FAM117B: variants seen among roughly 807,000 people sequenced by gnomAD.
FAM117B encodes protein FAM117B.
A neutral mutation model predicts 52.8 loss-of-function variants in FAM117B; 22 were observed. The ratio of observed to expected loss-of-function variants is 0.42; its 90% CI spans 0.30 to 0.59. The LOEUF (loss-of-function observed/expected upper bound fraction) is 0.59, where lower values mean the gene tolerates loss of function less well. Among genes scored for constraint, FAM117B ranks in the 20% least tolerant of loss-of-function variants. FAM117B has a pLI of 0.22. For synonymous variants in FAM117B, 309 were observed against 324.1 expected (o/e 0.95, Z 0.50); for missense variants, 678 against 802.6 (o/e 0.84, Z 1.88).
intron 2 of FAM117B, among the ~76,000 whole-genome samples, chr2:202,699,427 AAAAAAAAAAAAAAAAAAAAAAG>A (rs1369983563): frequency 1.5e-4 from 17 of 111,400 alleles, no homozygotes; most frequent in Admixed American, 1.2e-3. Flanking sequence ...ACCCCATCTC[AAAAAAAAAAAAAAAAAAAAAAG>A]AAAAAAAAAA....
chr2:202,729,583 A>G (rs1691308356), intron 4 of FAM117B, among the ~76,000 whole-genome samples: 1 of 152,236 alleles, frequency 6.6e-6, no homozygotes, highest in Non-Finnish European at 1.5e-5. Flanking sequence ...TTAAAGAGAT[A>G]TGAGTAAACA....
intron 1 of FAM117B, among the ~76,000 whole-genome samples, chr2:202,666,668 C>CTTTT (rs1157457357): frequency 4.8e-5 from 6 of 125,764 alleles, no homozygotes; most frequent in Admixed American, 8.1e-5. Context: ...CGTTTCATTT[C>CTTTT]TTTTTTTTTT....
At chr2:202,642,163 CA>C (rs1689780365) in intron 1 of FAM117B, among the ~76,000 whole-genome samples, 1 of 144,292 alleles carries the variant, frequency 6.9e-6, no homozygotes, top group Admixed American at 7.0e-5. Context: ...CCATATTGGA[CA>C]GGCTGGTCCT....
Position 202,695,916 on chromosome 2 carries a change from A to G in FAM117B, c.637A>G (p.Ser213Gly), listed in dbSNP as rs763784187. 1.2e-5 allele frequency: 20 copies of G among 1,612,210 alleles called. No individual in the cohort carries two copies. The highest frequency in any genetic ancestry group is 5.5e-5 in the South Asian group (5 of 90,770). ...KTRQPSSSPS[S>G]IIRRTSSLDT... ...ACGACAGCCTTCTTCAAGCCCCTCCAGTATTATCCGACGCACTTCCTCCCT... is the reference window on the plus strand; with the variant it reads ...ACGACAGCCTTCTTCAAGCCCCTCCGGTATTATCCGACGCACTTCCTCCCT... Residue 213 changes from serine (S) to glycine (G), a missense_variant, in exon 2 of 8, where the codon AGT (serine) becomes GGT (glycine). By Grantham distance (56) the Ser-to-Gly change is moderately conservative (BLOSUM62 0). Transcript: ENST00000392238.
intron 2 of FAM117B, among the ~76,000 whole-genome samples, chr2:202,706,342 A>C (rs1455285692): frequency 6.6e-6 from 1 of 152,110 alleles, no homozygotes; most frequent in South Asian, 2.1e-4. Context: ...ATATTTTATG[A>C]AAGTGTTTGT....
chr2:202,769,523 T>G lies in FAM117B; in HGVS notation c.*3759T>G, dbSNP rs1189007664. On this transcript the variant is annotated 3_prime_UTR_variant, in exon 8 of 8. Transcript: ENST00000392238. ...CAGCATTTTGTTTATACAGTCTTGTTTAAGAATAGAATTTTTTTAACTCTT... is the reference window on the plus strand; with the variant it reads ...CAGCATTTTGTTTATACAGTCTTGTGTAAGAATAGAATTTTTTTAACTCTT... The G allele has an allele frequency of 6.6e-6, 1 of 152,596 alleles. No individual in the cohort carries two copies. The highest frequency in any genetic ancestry group is 6.5e-5 in the Admixed American group (1 of 15,274). 9.5% of individuals were successfully genotyped at this position (152,596 alleles called of 1,614,324 possible).
At chr2:202,658,365 G>A (rs1199316648) in intron 1 of FAM117B, among the ~76,000 whole-genome samples, 3 of 151,962 alleles carry the variant, frequency 2.0e-5, no homozygotes, top group Admixed American at 6.5e-5. Context: ...GTGCAGGGGC[G>A]TGATCTTGGC....
chr2:202,712,566 C>G (rs1215239029), intron 2 of FAM117B, among the ~76,000 whole-genome samples: 1 of 151,726 alleles, frequency 6.6e-6, no homozygotes, highest in South Asian at 2.1e-4. Context: ...GTTGCTCTGT[C>G]TAGCTCTTCC....
chr2:202,753,791 C>A (rs1156289004), intron 4 of FAM117B, among the ~76,000 whole-genome samples: 1 of 151,656 alleles, frequency 6.6e-6, no homozygotes, highest in Non-Finnish European at 1.5e-5. Flanking sequence ...CATCACTGAT[C>A]ATCAGAGAAA....
chr2:202,702,481 G>T (rs577986188), intron 2 of FAM117B, among the ~76,000 whole-genome samples: 1 of 152,314 alleles, frequency 6.6e-6, no homozygotes, highest in African/African-American at 2.4e-5. Flanking sequence ...ACCCTGATCA[G>T]TCAGCAGCCG....
At chr2:202,728,924 G>A (rs1420122134) in intron 4 of FAM117B, among the ~76,000 whole-genome samples, 1 of 152,040 alleles carries the variant, frequency 6.6e-6, no homozygotes, top group African/African-American at 2.4e-5. Flanking sequence ...TTTGAGTTTT[G>A]TACACTTGAC....
intron 1 of FAM117B, among the ~76,000 whole-genome samples, chr2:202,648,275 C>T (rs553737866): frequency 2.0e-5 from 3 of 151,972 alleles, no homozygotes; most frequent in Admixed American, 6.6e-5. Context: ...TTTGGGAGGC[C>T]GAGATGTGTA....
chr2:202,689,191 A>G (rs138606169), intron 1 of FAM117B, among the ~76,000 whole-genome samples: 1 of 152,202 alleles, frequency 6.6e-6, no homozygotes, highest in Non-Finnish European at 1.5e-5. Context: ...CTGTAATCCC[A>G]GCACTTTGGG....
intron 6 of FAM117B, among the ~76,000 whole-genome samples, chr2:202,757,930 T>C (rs979222336): frequency 3.9e-5 from 6 of 152,188 alleles, no homozygotes; most frequent in African/African-American, 1.2e-4. Context: ...GGAGGGTACT[T>C]TTAAAAATAA....
intron 1 of FAM117B, among the ~76,000 whole-genome samples, chr2:202,658,910 A>AT (rs1195045562): frequency 6.6e-6 from 1 of 151,148 alleles, no homozygotes; most frequent in Non-Finnish European, 1.5e-5. Context: ...TTTGTCAAAT[A>AT]TTTTTTTTCT....
At chr2:202,669,610 A>G (rs1690259209) in intron 1 of FAM117B, among the ~76,000 whole-genome samples, 1 of 152,192 alleles carries the variant, frequency 6.6e-6, no homozygotes, top group Non-Finnish European at 1.5e-5. Context: ...TTTTGCCAAC[A>G]TGGAACATAA....
rs59275236 is a variant in FAM117B, at chr2:202,739,257, A to G, written c.960+12894A>G. Among the ~76,000 whole-genome samples the G allele has an allele frequency of 4.8e-3, 726 of 152,284 alleles. 6 individuals carry two copies. Among genetic ancestry groups the G allele is most frequent in the African/African-American group, 0.017 (701 of 41,556 alleles). On this transcript the variant is annotated intron_variant, in intron 4 of 7. Coordinates refer to ENST00000392238, the MANE Select transcript of FAM117B (RefSeq NM_173511.4). ...TTTGTCCCTAACTTTGAATGTTAAT[A>G]TTTTGTTAACATTGTTGAGGTTGTC...
intron 4 of FAM117B, among the ~76,000 whole-genome samples, chr2:202,745,687 A>G (rs1307358278): frequency 2.0e-5 from 3 of 152,202 alleles, no homozygotes; most frequent in Admixed American, 1.3e-4. Flanking sequence ...AACCATTAGT[A>G]TGCTGCCTGC....
chr2:202,641,837 C>G (rs1574537325), intron 1 of FAM117B, among the ~76,000 whole-genome samples: 1 of 151,926 alleles, frequency 6.6e-6, no homozygotes, highest in East Asian at 1.9e-4. Context: ...CAGGGTTTCA[C>G]TATGTTGGCC....
Sources: allele counts gnomAD v4.1 joint callset (sites outside exome capture counted in the v4.1 genomes callset), GRCh38; gene constraint gnomAD v4.1.1; transcripts MANE v1.5; gene names NCBI Gene and HGNC (gene_info 2026-07-23, HGNC 2026-07-21).